The following NEBL variants were observed in gnomAD, a reference collection of about 807,000 sequenced individuals.
The protein encoded by NEBL is nebulette, also known as LIM and SH3 protein 2.
A neutral mutation model predicts 140.2 loss-of-function variants in NEBL; 122 were observed. That is an observed-to-expected ratio of 0.87 (90% CI 0.75 to 1.01). NEBL has a LOEUF of 1.01. NEBL is among the 50% of genes least tolerant of loss of function. The pLI is 0.00. For missense variants in NEBL, 1,365 were observed against 1,231.3 expected, an observed-to-expected ratio of 1.11 and a Z score of -1.62; for synonymous variants, 436 against 398.9, an observed-to-expected ratio of 1.09 and a Z score of -1.11.
At chr10:20,802,456 C>T (rs1350585255) in intron 26 of NEBL, among the ~76,000 whole-genome samples, 9 of 152,132 alleles carry the variant, frequency 5.9e-5, no homozygotes, top group Non-Finnish European at 1.2e-4. Context: ...ATCAAAGTAA[C>T]ACAGTAGAGA....
intron 1 of NEBL, among the ~76,000 whole-genome samples, chr10:21,288,650 A>G (rs1263885197): frequency 4.7e-5 from 7 of 148,424 alleles, no homozygotes; most frequent in Admixed American, 4.1e-4. Context: ...AATCCCAGCT[A>G]CTTTCGAGGC....
chr10:21,281,955 G>A (rs1842998626), intron 1 of NEBL, among the ~76,000 whole-genome samples: 1 of 152,086 alleles, frequency 6.6e-6, no homozygotes, highest in African/African-American at 2.4e-5. Flanking sequence ...AGTAATACAC[G>A]TGAAGGTACA....
intron 2 of NEBL, among the ~76,000 whole-genome samples, chr10:21,046,958 C>T (rs972250506): frequency 6.6e-6 from 1 of 152,158 alleles, no homozygotes; most frequent in African/African-American, 2.4e-5. Context: ...ATGGGGAAGA[C>T]ATCCATTTTG....
chr10:21,148,449 T>C (rs1430956773), intron 2 of NEBL, among the ~76,000 whole-genome samples: 4 of 152,210 alleles, frequency 2.6e-5, no homozygotes, highest in African/African-American at 9.6e-5. Flanking sequence ...TGGGATTCTT[T>C]AGGCCTCAGA....
chr10:21,133,630 G>A (rs1307087060), intron 2 of NEBL, among the ~76,000 whole-genome samples: 2 of 152,220 alleles, frequency 1.3e-5, no homozygotes, highest in Non-Finnish European at 2.9e-5. Flanking sequence ...ACTCAGAACA[G>A]CATATGGCAC....
intron 19 of NEBL, 133 bp downstream of exon 19, chr10:20,823,075 C>T (rs113083361): frequency 3.1e-6 from 2 of 649,058 alleles, no homozygotes; most frequent in African/African-American, 1.8e-5. Context: ...AAAATGCTAG[C>T]TCCACTTTTA....
intron 2 of NEBL, among the ~76,000 whole-genome samples, chr10:21,145,474 A>G (rs997566819): frequency 1.3e-5 from 2 of 152,368 alleles, no homozygotes; most frequent in Non-Finnish European, 2.9e-5. Flanking sequence ...GAACTATATT[A>G]TGGAACTAGA....
rs549167954 is a variant in NEBL at position 20,842,828 on chromosome 10, G to A, written c.1228-1979C>T. ...AGATCTCAAAAAAAGTATTCCTCCC[G>A]TTTAGAGATTTTGAACTCTTTGACT... is the stretch of plus-strand genomic sequence containing the variant. On this transcript the variant is annotated intron_variant, in intron 12 of 27. Transcript: ENST00000377122. Among the ~76,000 whole-genome samples the A allele has an allele frequency of 1.4e-4, 21 of 151,932 alleles. No homozygotes were observed. In the South Asian group the frequency reaches 1.5e-3, roughly 11 times the overall value.
chr10:21,005,348 T>C (rs560405702), intron 3 of NEBL, among the ~76,000 whole-genome samples: 18 of 152,302 alleles, frequency 1.2e-4, no homozygotes, highest in African/African-American at 4.1e-4. Context: ...GCCAGATTAG[T>C]CCCCAGCAGC....
intron 12 of NEBL, among the ~76,000 whole-genome samples, chr10:20,842,280 T>G (rs1372909408): frequency 1.3e-5 from 2 of 152,138 alleles, no homozygotes; most frequent in Non-Finnish European, 2.9e-5. Context: ...CTTTCATTTA[T>G]TTCGTGGTGT....
Position 21,028,235 on chromosome 10 carries a change from CAAAAAAAAAAA to C in NEBL, c.165-8045_165-8035del, listed in dbSNP as rs1168946872. On this transcript the variant is annotated intron_variant, in intron 2 of 6. Coordinates refer to the NEBL transcript ENST00000417816. ...GAGCGAGACTCCATCTCAAACATCT[CAAAAAAAAAAA>C]AAAAAAAAAAGAAGAAGAAGAAGAA... 2.3e-4 allele frequency among the ~76,000 whole-genome samples: 15 copies of C among 66,244 alleles called. 1 individual carries two copies. The South Asian group carries it at 6.4e-3, about 28-fold the overall frequency. The allele number at this position is 66,244 out of a possible 152,430, so 43.5% of individuals were successfully genotyped here. A position where few individuals can be genotyped will look rare whatever the true frequency, so the allele number is the denominator to read the frequency against.
intron 2 of NEBL, chr10:21,030,767 A>AT: frequency 2.4e-6 from 1 of 422,002 alleles, no homozygotes; most frequent in Non-Finnish European, 4.6e-6. Flanking sequence ...AAAAAGGAGC[A>AT]TGACTCCAGA....
chr10:20,800,220 A>C (rs1006789847), intron 26 of NEBL, among the ~76,000 whole-genome samples: 3 of 150,736 alleles, frequency 2.0e-5, no homozygotes, highest in Non-Finnish European at 4.4e-5. Context: ...GGGATCATGC[A>C]ATATTTTTCT....
intron 4 of NEBL, among the ~76,000 whole-genome samples, chr10:20,943,168 A>G (rs771297549): frequency 6.6e-6 from 1 of 152,258 alleles, no homozygotes; most frequent in Non-Finnish European, 1.5e-5. Flanking sequence ...TATTCACAAT[A>G]GCAAAGACTT....
intron 3 of NEBL, among the ~76,000 whole-genome samples, chr10:20,965,738 C>T (rs377065610): frequency 3.9e-5 from 6 of 152,154 alleles, no homozygotes; most frequent in South Asian, 2.1e-4. Context: ...AGGACAGACG[C>T]GAGAAGCCCA....
chr10:20,820,652 C>T (rs1588686440), intron 19 of NEBL, among the ~76,000 whole-genome samples: 2 of 152,158 alleles, frequency 1.3e-5, no homozygotes, highest in Middle Eastern at 6.8e-3. Context: ...ATGGTGAAAC[C>T]TCATCTCTAC....
At chr10:21,282,978 T>G (rs1843010943) in intron 1 of NEBL, among the ~76,000 whole-genome samples, 1 of 151,246 alleles carries the variant, frequency 6.6e-6, no homozygotes, top group Non-Finnish European at 1.5e-5. Context: ...TACAAAAAAT[T>G]TTAAAAAATT....
At chr10:21,021,889 C>T (rs144220803) in intron 2 of NEBL, among the ~76,000 whole-genome samples, 15 of 152,192 alleles carry the variant, frequency 9.9e-5, no homozygotes, top group African/African-American at 3.4e-4. Context: ...ACAGAAGAAA[C>T]GAAGGGATGG....
chr10:20,961,896 C>T lies in NEBL; in HGVS notation c.250-117G>A, dbSNP rs1036516465. On this transcript the variant is annotated intron_variant, in intron 3 of 6. Coordinates refer to the NEBL transcript ENST00000417816. Reference sequence around the variant, plus strand: ...AATGGCTAAAAACACAGATCTCAGCCGGAGGTGCAGTTAAGAACCAGAAGG... The same window carrying T: ...AATGGCTAAAAACACAGATCTCAGCTGGAGGTGCAGTTAAGAACCAGAAGG... 1.4e-4 allele frequency: 106 copies of T among 758,880 alleles called. 3 individuals are homozygous for T. The South Asian group carries it at 1.4e-3, about 10-fold the overall frequency. 47.0% of individuals were successfully genotyped at this position (758,880 alleles called of 1,614,324 possible).
Sources: gnomAD v4.1 joint callset for allele counts (sites outside exome capture counted in the v4.1 genomes callset) on GRCh38, gnomAD v4.1.1 for gene constraint, MANE v1.5 for transcripts, NCBI Gene and HGNC (gene_info 2026-07-23, HGNC 2026-07-21) for gene names.